SLC7A14: variants seen among roughly 807,000 people sequenced by gnomAD.
The protein encoded by SLC7A14 is solute carrier family 7 member 14.
SLC7A14 carries 37 observed loss-of-function variants against 60.2 expected under a neutral mutation model. The observed-to-expected ratio is 0.61, with a 90% confidence interval of 0.47 to 0.81. The LOEUF is 0.81. Among genes scored for constraint, SLC7A14 ranks in the 30% least tolerant of loss-of-function variants. The pLI is 0.00. For missense variants in SLC7A14, 886 were observed against 982.7 expected (o/e 0.90, Z 1.32); for synonymous variants, 399 against 395.8 (o/e 1.01, Z -0.10).
intron 1 of SLC7A14, among the ~76,000 whole-genome samples, chr3:170,541,465 G>A (rs537290887): frequency 6.6e-6 from 1 of 152,200 alleles, no homozygotes; most frequent in African/African-American, 2.4e-5. Flanking sequence ...TGGCATGGTG[G>A]CACACCTGTA....
At chr3:170,492,580 A>G (rs77396591) in intron 4 of SLC7A14, among the ~76,000 whole-genome samples, 2,487 of 152,332 alleles carry the variant, frequency 0.016, 97 homozygotes, top group East Asian at 0.13. Context: ...GTAAAAACTC[A>G]GCCAGCTGAT....
In SLC7A14 at chr3:170,470,308, A is replaced by ATATG. The variant is rs372412774; in HGVS notation, c.1994-2932_1994-2931insCATA. On this transcript the variant is annotated intron_variant, in intron 7 of 7. Coordinates refer to ENST00000231706, the MANE Select transcript of SLC7A14 (RefSeq NM_020949.3). The stretch of plus-strand genomic sequence containing the variant: ...GGGAGTGGCCAGGCCTGGAAGGAAC[A>ATATG]TGTGTGTGTGTGTGTGTGTGTGTGT... 4.0e-3 allele frequency among the ~76,000 whole-genome samples: 574 copies of ATATG among 143,700 alleles called. 3 individuals are homozygous for ATATG. Among genetic ancestry groups the ATATG allele is most frequent in the African/African-American group, 0.014 (550 of 38,778 alleles). 94.3% of individuals were successfully genotyped at this position (143,700 alleles called of 152,430 possible).
chr3:170,554,732 A>G (rs1259031143), intron 1 of SLC7A14, among the ~76,000 whole-genome samples: 4 of 152,318 alleles, frequency 2.6e-5, no homozygotes, highest in African/African-American at 9.6e-5. Flanking sequence ...GGAGCCTTCA[A>G]CAACACCCTG....
chr3:170,500,438 C>CAAA (rs66971540), intron 3 of SLC7A14, among the ~76,000 whole-genome samples: 3 of 55,620 alleles, frequency 5.4e-5, no homozygotes, highest in Admixed American at 2.2e-4. Flanking sequence ...GACTCTGTCT[C>CAAA]AAAAAAAAAA....
chr3:170,559,154 CAAGTT>C (rs1714569858), intron 1 of SLC7A14, among the ~76,000 whole-genome samples: 1 of 152,184 alleles, frequency 6.6e-6, no homozygotes, highest in Non-Finnish European at 1.5e-5. Context: ...TGATAGACGA[CAAGTT>C]AAACAGCACA....
At chr3:170,518,200 G>A (rs780995904) in intron 2 of SLC7A14, among the ~76,000 whole-genome samples, 3 of 152,164 alleles carry the variant, frequency 2.0e-5, no homozygotes, top group Non-Finnish European at 2.9e-5. Flanking sequence ...ACATGAAAGC[G>A]CCTTCCATGG....
chr3:170,486,595 C>T (rs964936242), intron 4 of SLC7A14, among the ~76,000 whole-genome samples: 12 of 152,024 alleles, frequency 7.9e-5, no homozygotes. Context: ...AAGAATTGGC[C>T]GGGTGCGATG....
intron 2 of SLC7A14, among the ~76,000 whole-genome samples, chr3:170,515,637 G>C (rs542104370): frequency 1.3e-5 from 2 of 151,812 alleles, no homozygotes; most frequent in Non-Finnish European, 2.9e-5. Context: ...GGTGGGGGGG[G>C]AGTTGAGACA....
At chr3:170,498,626 G>T in intron 4 of SLC7A14, 41 bp downstream of exon 4, 1 of 1,589,110 alleles carries the variant, frequency 6.3e-7, no homozygotes, top group Non-Finnish European at 8.6e-7. Context: ...GTAGAAGGCA[G>T]AGTGTGTGAC....
At chr3:170,484,816 C>A (rs189210148) in intron 5 of SLC7A14, among the ~76,000 whole-genome samples, 85 of 152,210 alleles carry the variant, frequency 5.6e-4, no homozygotes, top group African/African-American at 1.8e-3. Flanking sequence ...GTAACATAAC[C>A]ACTTGCAATA....
At chr3:170,467,635 T>C (rs1739757399) in intron 7 of SLC7A14, among the ~76,000 whole-genome samples, 1 of 152,208 alleles carries the variant, frequency 6.6e-6, no homozygotes, top group African/African-American at 2.4e-5. Context: ...CAACACTGCA[T>C]CCACATTTCT....
intron 1 of SLC7A14, among the ~76,000 whole-genome samples, chr3:170,543,751 CTTTTTTT>C (rs1177925466): frequency 7.3e-6 from 1 of 136,746 alleles, no homozygotes; most frequent in African/African-American, 2.7e-5. Flanking sequence ...TTCTTTCTTT[CTTTTTTT>C]TTTTTTTTTG....
At chr3:170,563,413 G>GT (rs200599026) in intron 1 of SLC7A14, among the ~76,000 whole-genome samples, 12,595 of 108,582 alleles carry the variant, frequency 0.12, 842 homozygotes, top group Non-Finnish European at 0.15. Flanking sequence ...CTGTTTGTTT[G>GT]TTTGTTTTTT....
At chr3:170,471,606 C>T (rs180735808) in intron 7 of SLC7A14, among the ~76,000 whole-genome samples, 18 of 152,264 alleles carry the variant, frequency 1.2e-4, no homozygotes, top group African/African-American at 3.9e-4. Flanking sequence ...AGGCTACACA[C>T]GTATTCCTAT....
chr3:170,500,772 A>G (rs1331431117), intron 3 of SLC7A14, among the ~76,000 whole-genome samples: 1 of 152,136 alleles, frequency 6.6e-6, no homozygotes, highest in Non-Finnish European at 1.5e-5. Flanking sequence ...TGTTATTACA[A>G]GTTTCCCTAA....
At chr3:170,505,238 CAAT>C (rs1467820960) in intron 2 of SLC7A14, among the ~76,000 whole-genome samples, 1 of 152,082 alleles carries the variant, frequency 6.6e-6, no homozygotes. Flanking sequence ...TCATCAACAA[CAAT>C]GTTATTCATG....
chr3:170,512,733 G>A (rs1390605833), intron 2 of SLC7A14, among the ~76,000 whole-genome samples: 1 of 126,736 alleles, frequency 7.9e-6, no homozygotes, highest in Non-Finnish European at 1.6e-5. Context: ...GAACCATCTC[G>A]GCTCACTGCA....
At chr3:170,502,558 T>C (rs1712649200) in intron 2 of SLC7A14, among the ~76,000 whole-genome samples, 1 of 151,594 alleles carries the variant, frequency 6.6e-6, no homozygotes, top group African/African-American at 2.4e-5. Flanking sequence ...ATACCAGGGG[T>C]GGGATGTAAG....
At chr3:170,521,070 G>C (rs1321101775) in intron 2 of SLC7A14, among the ~76,000 whole-genome samples, 1 of 152,208 alleles carries the variant, frequency 6.6e-6, no homozygotes, top group Non-Finnish European at 1.5e-5. Flanking sequence ...TATGGGGTCT[G>C]GTTGTGGCCT....
Sources: allele counts gnomAD v4.1 joint callset (sites outside exome capture counted in the v4.1 genomes callset), GRCh38; gene constraint gnomAD v4.1.1; transcripts MANE v1.5; gene names NCBI Gene and HGNC (gene_info 2026-07-23, HGNC 2026-07-21).